MCUB: variants seen among roughly 807,000 people sequenced by gnomAD.
The protein encoded by MCUB is calcium uniporter regulatory subunit MCUb, mitochondrial.
A neutral mutation model predicts 41.4 loss-of-function variants in MCUB; 46 were observed. That is an observed-to-expected ratio of 1.11 (90% confidence interval 0.88 to 1.42). The LOEUF (loss-of-function observed/expected upper bound fraction) is 1.42. MCUB is among the 40% of genes most tolerant of loss of function. The probability of loss-of-function intolerance (pLI) is 0.00; values close to 1 mark genes in which losing one functional copy is unlikely to be tolerated. For missense variants in MCUB, 403 were observed against 404.9 expected, an observed-to-expected ratio of 1.00 and a Z score of 0.04; for synonymous variants, 148 against 148.2, an observed-to-expected ratio of 1.00 and a Z score of 0.01.
At chr4:109,583,653 G>T (rs1727237493) in intron 1 of MCUB, among the ~76,000 whole-genome samples, 1 of 152,086 alleles carries the variant, frequency 6.6e-6, no homozygotes, top group African/African-American at 2.4e-5. Context: ...TTTTCAAAGG[G>T]AATGCTTCCA....
At position 109,598,469 on chromosome 4, in the gene MCUB, G is replaced by T. The variant is rs1049960443; in HGVS notation, c.99+38033G>T. 7.9e-5 allele frequency among the ~76,000 whole-genome samples: 12 copies of T among 151,990 alleles called. No individual in the cohort carries two copies. In the South Asian group the frequency reaches 1.2e-3, roughly 16 times the overall value. On this transcript the variant is annotated intron_variant, in intron 1 of 7. Coordinates refer to ENST00000394650, the MANE Select transcript of MCUB (RefSeq NM_017918.5). ...AAACCAGTCAGGCGTGGCAGCGCGT[G>T]CCTGCAATCGCAGGCACTCGGCAGG...
intron 1 of MCUB, among the ~76,000 whole-genome samples, chr4:109,577,598 C>CTTTTTTTTTTTTTTTTTTTTT (rs71594195): frequency 2.1e-5 from 1 of 48,662 alleles, no homozygotes; most frequent in African/African-American, 7.8e-5. Flanking sequence ...TACTTGAATT[C>CTTTTTTTTTTTTTTTTTTTTT]TTTTTTTTTT....
intron 1 of MCUB, among the ~76,000 whole-genome samples, chr4:109,634,262 C>A (rs1443695201): frequency 6.6e-6 from 1 of 151,944 alleles, no homozygotes; most frequent in African/African-American, 2.4e-5. Context: ...GTGGGTGGAT[C>A]ATCTGAGGTC....
At chr4:109,679,613 C>G (rs1729670853) in intron 4 of MCUB, among the ~76,000 whole-genome samples, 1 of 152,130 alleles carries the variant, frequency 6.6e-6, no homozygotes, top group Non-Finnish European at 1.5e-5. Context: ...GAGAGGGAGA[C>G]TGGGAGACCG....
chr4:109,564,351 G>C (rs1223776371), intron 1 of MCUB, among the ~76,000 whole-genome samples: 2 of 151,662 alleles, frequency 1.3e-5, no homozygotes, highest in Non-Finnish European at 2.9e-5. Context: ...TGTTGGCCAA[G>C]ATGGTCTCGA....
At chr4:109,626,735 C>A (rs10005056) in intron 1 of MCUB, among the ~76,000 whole-genome samples, 30,082 of 146,730 alleles carry the variant, frequency 0.21, 4,334 homozygotes, top group African/African-American at 0.41. Context: ...ATCAGTTGAA[C>A]CCAGGAGGCG....
chr4:109,569,139 C>T (rs1010138016), intron 1 of MCUB, among the ~76,000 whole-genome samples: 6 of 152,080 alleles, frequency 3.9e-5, no homozygotes, highest in African/African-American at 1.2e-4. Flanking sequence ...CTCCGCCTCC[C>T]GGGTTCACGC....
chr4:109,561,012 G>A (rs1481489256), intron 1 of MCUB: 1 of 152,254 alleles, frequency 6.6e-6, no homozygotes, highest in Non-Finnish European at 1.5e-5. Flanking sequence ...AATCATGAGT[G>A]TGCTGGTGAG....
chr4:109,560,556 C>T, intron 1 of MCUB, 120 bp downstream of exon 1: 3 of 478,414 alleles, frequency 6.3e-6, no homozygotes, highest in East Asian at 7.3e-5. Flanking sequence ...TGCTGGCTGC[C>T]GGGCTCCGCG....
intron 1 of MCUB, among the ~76,000 whole-genome samples, chr4:109,628,513 T>G (rs1039231627): frequency 6.6e-6 from 1 of 152,130 alleles, no homozygotes; most frequent in East Asian, 1.9e-4. Flanking sequence ...GGCAAAGTAG[T>G]CAGGGAAAGA....
At chr4:109,658,471 A>G (rs1729153923) in intron 1 of MCUB, among the ~76,000 whole-genome samples, 3 of 151,790 alleles carry the variant, frequency 2.0e-5, no homozygotes. Flanking sequence ...CTAATTTTGT[A>G]TTTTTAGTGG....
chr4:109,573,867 A>ATTT lies in MCUB; in HGVS notation c.99+13452_99+13454dup, dbSNP rs70954166. 7.8e-3 allele frequency among the ~76,000 whole-genome samples: 875 copies of ATTT among 112,500 alleles called. 22 individuals carry two copies. Among genetic ancestry groups the ATTT allele is most frequent in the East Asian group, 0.039 (150 of 3,826 alleles). The allele number at this position is 112,500 out of a possible 152,430, so 73.8% of individuals were successfully genotyped here. ...TGTAGGAGATGATTAAAAGGGTTGAATTTTTTTTTTTTTTTTTTTTTTTGA... is the reference window on the plus strand; with the variant it reads ...TGTAGGAGATGATTAAAAGGGTTGAATTTTTTTTTTTTTTTTTTTTTTTTTTGA... On this transcript the variant is annotated intron_variant, in intron 1 of 7. Transcript: ENST00000394650.
chr4:109,671,953 G>C (rs939802850), intron 4 of MCUB, among the ~76,000 whole-genome samples: 1 of 152,036 alleles, frequency 6.6e-6, no homozygotes, highest in African/African-American at 2.4e-5. Context: ...TGTTTCTCCT[G>C]ATGTTTTGGG....
chr4:109,667,006 T>G (rs976830187), intron 4 of MCUB, among the ~76,000 whole-genome samples: 1 of 152,176 alleles, frequency 6.6e-6, no homozygotes. Context: ...TTGCTGAGGA[T>G]TTTTGTGTCT....
chr4:109,612,811 G>A (rs1728041011), intron 1 of MCUB, among the ~76,000 whole-genome samples: 1 of 152,078 alleles, frequency 6.6e-6, no homozygotes. Flanking sequence ...ATCCTAATAA[G>A]AATACAGGAA....
intron 1 of MCUB, among the ~76,000 whole-genome samples, chr4:109,609,365 C>A (rs186790929): frequency 2.0e-5 from 3 of 152,096 alleles, no homozygotes; most frequent in Non-Finnish European, 4.4e-5. Flanking sequence ...ATTTTTAGAC[C>A]ATATGTGGTG....
chr4:109,591,585 T>C (rs888050642), intron 1 of MCUB, among the ~76,000 whole-genome samples: 1 of 152,208 alleles, frequency 6.6e-6, no homozygotes. Context: ...AGTATATATA[T>C]GAGTGGTATA....
chr4:109,619,115 G>A (rs1324408573), intron 1 of MCUB, among the ~76,000 whole-genome samples: 1 of 151,870 alleles, frequency 6.6e-6, no homozygotes, highest in Non-Finnish European at 1.5e-5. Context: ...CATCCAGGCT[G>A]GAGTGCAATG....
intron 4 of MCUB, 75 bp from the exon 5 acceptor site, chr4:109,682,507 T>C (rs750206518): frequency 1.7e-6 from 2 of 1,183,842 alleles, no homozygotes; most frequent in East Asian, 2.4e-5. Flanking sequence ...GGAAAGAGAA[T>C]TGGGGACCGA....
Sources: gnomAD v4.1 joint callset for allele counts (sites outside exome capture counted in the v4.1 genomes callset) on GRCh38, gnomAD v4.1.1 for gene constraint, MANE v1.5 for transcripts, NCBI Gene and HGNC (gene_info 2026-07-23, HGNC 2026-07-21) for gene names.